The following ARHGEF11 variants were observed in gnomAD, a reference collection of about 807,000 sequenced individuals.
ARHGEF11 encodes Rho guanine nucleotide exchange factor 11.
A neutral mutation model predicts 193.7 loss-of-function variants in ARHGEF11; 55 were observed. The ratio of observed to expected loss-of-function variants is 0.28; its 90% CI spans 0.23 to 0.36. ARHGEF11 has a LOEUF of 0.36. ARHGEF11 is among the 10% of genes least tolerant of loss of function. The pLI is 1.00. For missense variants in ARHGEF11, 1,723 were observed against 2,005.6 expected, an observed-to-expected ratio of 0.86 and a Z score of 2.69; for synonymous variants, 693 against 768.0, an observed-to-expected ratio of 0.90 and a Z score of 1.62.
At chr1:156,971,068 C>G (rs1272495596) in intron 8 of ARHGEF11, among the ~76,000 whole-genome samples, 1 of 152,106 alleles carries the variant, frequency 6.6e-6, no homozygotes, top group African/African-American at 2.4e-5. Flanking sequence ...TCTTGGAGAC[C>G]TTAAAGTTTC....
In ARHGEF11 at chr1:156,946,686, C is replaced by T; in HGVS notation, c.2670G>A (p.Glu890=). The change falls in exon 28 of 41, where the codon GAG becomes GAA. Residue 890 remains glutamate, a synonymous_variant. Coordinates refer to ENST00000368194, the MANE Select transcript of ARHGEF11 (RefSeq NM_198236.3). Reference sequence around the variant, plus strand: ...CCTGCATGAAGAGCTGGAATCGACTCTCCTTGCGTTGCTTGGTCTTGATTA... The same window carrying T: ...CCTGCATGAAGAGCTGGAATCGACTTTCCTTGCGTTGCTTGGTCTTGATTA... ...LELIKTKQRK[E]SRFQLFMQEA... The T allele has an allele frequency of 6.2e-7, 1 of 1,614,226 alleles. No individual in the cohort carries two copies. Among genetic ancestry groups the T allele is most frequent in the South Asian group, 1.1e-5 (1 of 91,070 alleles).
chr1:157,038,798 G>A (rs970797879), intron 1 of ARHGEF11, among the ~76,000 whole-genome samples: 10 of 152,154 alleles, frequency 6.6e-5, no homozygotes, highest in African/African-American at 2.4e-4. Context: ...GGAGGCCGAG[G>A]TGGGCAGATT....
At chr1:157,010,861 C>G (rs1668459486) in intron 1 of ARHGEF11, among the ~76,000 whole-genome samples, 1 of 152,048 alleles carries the variant, frequency 6.6e-6, no homozygotes, top group Non-Finnish European at 1.5e-5. Flanking sequence ...TATAAAATAT[C>G]ACGGAAAACA....
At chr1:156,941,454 A>G in intron 34 of ARHGEF11, 21 bp from the exon 35 acceptor site, 1 of 1,612,566 alleles carries the variant, frequency 6.2e-7, no homozygotes, top group East Asian at 2.2e-5. Flanking sequence ...AAACCAACAC[A>G]GGATGAGATC....
At chr1:157,006,728 C>A (rs527261977) in intron 1 of ARHGEF11, among the ~76,000 whole-genome samples, 1 of 152,308 alleles carries the variant, frequency 6.6e-6, no homozygotes, top group East Asian at 1.9e-4. Flanking sequence ...AAAAGTTTCA[C>A]CATCTGCTGG....
chr1:156,941,511 T>G, intron 34 of ARHGEF11, 78 bp from the exon 35 acceptor site: 1 of 1,496,384 alleles, frequency 6.7e-7, no homozygotes, highest in Non-Finnish European at 9.3e-7. Flanking sequence ...GGCAATGGAG[T>G]AGGATCCGAG....
chr1:156,992,374 G>A (rs949869607), intron 1 of ARHGEF11, among the ~76,000 whole-genome samples: 1 of 151,886 alleles, frequency 6.6e-6, no homozygotes, highest in Admixed American at 6.6e-5. Flanking sequence ...GGCCTGGTGC[G>A]TCAGTCCTGC....
chr1:157,003,838 A>T, intron 1 of ARHGEF11, among the ~76,000 whole-genome samples: 1 of 152,342 alleles, frequency 6.6e-6, no homozygotes, highest in East Asian at 1.9e-4. Flanking sequence ...ACGTTCCCTT[A>T]GCTATAGCAG....
At chr1:156,981,907 T>C (rs555734552) in intron 3 of ARHGEF11, among the ~76,000 whole-genome samples, 1 of 152,326 alleles carries the variant, frequency 6.6e-6, no homozygotes, top group Admixed American at 6.5e-5. Flanking sequence ...AACGTGATCA[T>C]TAAATCTTTA....
intron 1 of ARHGEF11, among the ~76,000 whole-genome samples, chr1:157,019,459 A>T (rs906673530): frequency 6.6e-6 from 1 of 152,238 alleles, no homozygotes; most frequent in Non-Finnish European, 1.5e-5. Context: ...TTATAAAACC[A>T]CTTTGAGAAA....
In ARHGEF11 at chr1:156,964,631, G is replaced by C. The variant is rs562329359; in HGVS notation, c.964-1037C>G. Among the ~76,000 whole-genome samples the C allele has an allele frequency of 2.6e-5, 4 of 152,142 alleles. 1 individual carries two copies. The highest frequency in any genetic ancestry group is 1.3e-4 in the Admixed American group (2 of 15,278). On this transcript the variant is annotated intron_variant, in intron 11 of 40. Coordinates refer to ENST00000368194, the MANE Select transcript of ARHGEF11 (RefSeq NM_198236.3). ...AATGACTGAGTCACAGAACATGAGC[G>C]GCCCAGAAGGTATCTCAGACACTAG...
chr1:156,999,913 G>A (rs1473473125), intron 1 of ARHGEF11, among the ~76,000 whole-genome samples: 2 of 152,174 alleles, frequency 1.3e-5, no homozygotes, highest in African/African-American at 4.8e-5. Flanking sequence ...ACTTTTTGCA[G>A]GGCACTGTGA....
At position 156,947,893 on chromosome 1, in the gene ARHGEF11, A is replaced by G; in HGVS notation, c.2217T>C (p.Asp739=). Residue 739 remains aspartate (D), a synonymous_variant, in exon 25 of 41, where the codon GAT becomes GAC. Transcript: ENST00000368194. ...TDTLLPHLLE[D]DLGQLSDLEP... is the part of the protein sequence containing the mutation. ...CCAGGTCAGACAGCTGGCCCAGATC[A>G]TCCTCTAGGAGGTGGGGAAGGAGGG... 1.2e-6 allele frequency: 2 copies of G among 1,614,140 alleles called. No individual in the cohort carries two copies. The highest frequency in any genetic ancestry group is 1.7e-6 in the Non-Finnish European group (2 of 1,180,018).
intron 3 of ARHGEF11, 86 bp downstream of exon 3, chr1:156,984,253 G>A (rs1664612403): frequency 9.0e-7 from 1 of 1,109,572 alleles, no homozygotes; most frequent in African/African-American, 1.6e-5. Flanking sequence ...ATGCCCCACA[G>A]GAAAGCACAG....
intron 28 of ARHGEF11, 24 bp downstream of exon 28, chr1:156,946,638 G>A (rs748400091): frequency 1.2e-6 from 2 of 1,612,788 alleles, no homozygotes; most frequent in South Asian, 2.2e-5. Flanking sequence ...ATGAAGGAAG[G>A]CCAAGGCATG....
In ARHGEF11 at chr1:157,026,420, G is replaced by C. The variant is rs372957359; in HGVS notation, c.32+17879C>G. Among the ~76,000 whole-genome samples, 3 of 152,022 alleles carry C rather than the reference G, an allele frequency of 2.0e-5. No individual in the cohort carries two copies. The East Asian group carries it at 5.8e-4, about 29-fold the overall frequency. ...GGCGCCCAAGCAACACAATCTCCAG[G>C]GTAAATAATCAAAGAAGCAGAGGCA... On this transcript the variant is annotated intron_variant, in intron 1 of 40. Coordinates refer to ENST00000368194, the MANE Select transcript of ARHGEF11 (RefSeq NM_198236.3).
intron 1 of ARHGEF11, among the ~76,000 whole-genome samples, chr1:157,018,498 A>G (rs1408100036): frequency 1.3e-5 from 2 of 152,084 alleles, no homozygotes; most frequent in Admixed American, 6.6e-5. Flanking sequence ...AAAAAAAATT[A>G]GCTGGGCGTG....
At chr1:157,036,115 A>C (rs923226250) in intron 1 of ARHGEF11, among the ~76,000 whole-genome samples, 1 of 144,116 alleles carries the variant, frequency 6.9e-6, no homozygotes, top group African/African-American at 2.5e-5. Flanking sequence ...ATATATATGA[A>C]TATATATATG....
chr1:156,997,769 A>G (rs1557927915), intron 1 of ARHGEF11, among the ~76,000 whole-genome samples: 1 of 152,338 alleles, frequency 6.6e-6, no homozygotes, highest in East Asian at 1.9e-4. Context: ...AATGTAAAAT[A>G]TCTCAATAAC....
Sources: gnomAD v4.1 joint callset for allele counts (sites outside exome capture counted in the v4.1 genomes callset) on GRCh38, gnomAD v4.1.1 for gene constraint, MANE v1.5 for transcripts, NCBI Gene and HGNC (gene_info 2026-07-23, HGNC 2026-07-21) for gene names.